IAH1: variants seen among roughly 807,000 people sequenced by gnomAD.
The protein encoded by IAH1 is isoamyl acetate-hydrolyzing esterase 1 homolog.
IAH1 carries 24 observed loss-of-function variants against 26.7 expected under a neutral mutation model. The ratio of observed to expected loss-of-function variants is 0.90; its 90% CI spans 0.65 to 1.26. IAH1 has a LOEUF of 1.26. Among genes scored for constraint, IAH1 ranks in the 50% most tolerant of loss-of-function variants. IAH1 has a pLI of 0.00. For synonymous variants in IAH1, 140 were observed against 118.5 expected, an observed-to-expected ratio of 1.18 and a Z score of -1.18; for missense variants, 300 against 299.9, an observed-to-expected ratio of 1.00 and a Z score of 0.00.
At chr2:9,486,659 C>T (rs1661501162) in intron 5 of IAH1, 2 of 152,152 alleles carry the variant, frequency 1.3e-5, no homozygotes, top group East Asian at 1.9e-4. Flanking sequence ...GAAACCCCAT[C>T]TCTACTTAAA....
Position 9,474,598 on chromosome 2 carries a change from G to A in IAH1, c.32G>A (p.Ser11Asn). 1 of 1,543,076 alleles carries A rather than the reference G, an allele frequency of 6.5e-7. No individual in the cohort carries two copies. The highest frequency in any genetic ancestry group is 8.7e-7 in the Non-Finnish European group (1 of 1,149,272). MALCEAAGCG[S>N]ALLWPRLLLF... is the part of the protein sequence containing the mutation. ...CTGTGCGAGGCCGCGGGCTGCGGGA[G>A]TGCCCTGCTCTGGCCTCGCTTGTTG... Residue 11 changes from serine (S) to asparagine (N), a missense_variant, in exon 1 of 6, where the codon AGT (serine) becomes AAT (asparagine). Physicochemically the swap from Ser to Asn is conservative, Grantham distance 46. Transcript: ENST00000497473. This position sits in a 1 kb window ranked among gnomAD's most constrained non-coding sequence, Gnocchi z 4.3.
Position 9,474,574 on chromosome 2 carries a change from T to C in IAH1, c.8T>C (p.Leu3Pro). MA[L>P]CEAAGCGSAL... ...GCCCCGCCCGGCTGCTCCATGGCGC[T>C]GTGCGAGGCCGCGGGCTGCGGGAGT... Residue 3 changes from leucine to proline, a missense_variant, in exon 1 of 6, where the codon CTG (leucine) becomes CCG (proline). Coordinates refer to ENST00000497473, the MANE Select transcript of IAH1 (RefSeq NM_001039613.3). The surrounding 1 kb of genome is among the most constrained non-coding windows in gnomAD (Gnocchi z 4.3). 3 of 1,462,558 alleles carry C rather than the reference T, an allele frequency of 2.1e-6. No homozygotes were observed. Among genetic ancestry groups the C allele is most frequent in the Admixed American group, 2.1e-5 (1 of 48,104 alleles). The allele number at this position is 1,462,558 out of a possible 1,614,324, so 90.6% of individuals were successfully genotyped here.
At chr2:9,487,835 C>T (rs143485573) in intron 5 of IAH1, among the ~76,000 whole-genome samples, 5,361 of 57,532 alleles carry the variant, frequency 0.093, 130 homozygotes, top group African/African-American at 0.17. Flanking sequence ...TGTGTGTGTG[C>T]GCGCGCGCGC....
the IAH1 span, among the ~76,000 whole-genome samples, chr2:9,509,720 CATT>C: frequency 6.6e-6 from 1 of 152,082 alleles, no homozygotes; most frequent in Admixed American, 6.6e-5. Context: ...CAAAAAAAGC[CATT>C]ATTATTAGTA....
At chr2:9,493,772 A>G, downstream of IAH1, 1 of 1,614,100 alleles carries the variant, frequency 6.2e-7, no homozygotes. Context: ...TCAGCTGGTC[A>G]ATGAAATCCC....
the IAH1 span, among the ~76,000 whole-genome samples, chr2:9,503,837 C>CAAA: frequency 8.0e-6 from 1 of 124,804 alleles, no homozygotes. Context: ...GACTCCGTCT[C>CAAA]AAAAAAAAAA....
At chr2:9,500,331 A>G (rs1034686343), downstream of IAH1, among the ~76,000 whole-genome samples, 2 of 152,226 alleles carry the variant, frequency 1.3e-5, no homozygotes, top group African/African-American at 4.8e-5. Flanking sequence ...GTATAATTCC[A>G]TTTATATGAA....
downstream of IAH1, among the ~76,000 whole-genome samples, chr2:9,496,721 G>C (rs1420870398): frequency 6.6e-6 from 1 of 152,194 alleles, no homozygotes; most frequent in African/African-American, 2.4e-5. Flanking sequence ...TGGAGTTGTT[G>C]CAGGAGTATC....
intron 1 of IAH1, chr2:9,475,062 C>T: frequency 8.4e-7 from 1 of 1,190,720 alleles, no homozygotes; most frequent in Non-Finnish European, 1.1e-6. Context: ...GGCAGAGGCG[C>T]CAGGAGCTCT....
At chr2:9,475,931 C>T (rs1043838098) in intron 1 of IAH1, 56 bp from the exon 2 acceptor site, 87 of 1,508,152 alleles carry the variant, frequency 5.8e-5, no homozygotes, top group Non-Finnish European at 7.1e-5. Context: ...GAACTGCCCT[C>T]GCTGAGATGC....
At chr2:9,502,317 A>G in the IAH1 span, 1 of 1,508,260 alleles carries the variant, frequency 6.6e-7, no homozygotes, top group Non-Finnish European at 9.2e-7. Flanking sequence ...AATTCAAATT[A>G]TGGCCCCATA....
At chr2:9,490,224 T>TAAAGGAGGCAGCCTTTTC (rs745697785), downstream of IAH1, 1 of 1,606,142 alleles carries the variant, frequency 6.2e-7, no homozygotes, top group Non-Finnish European at 8.5e-7. Flanking sequence ...CGCTGCAGTT[T>TAAAGGAGGCAGCCTTTTC]AAAGGAGGCA....
At position 9,488,207 on chromosome 2, in the gene IAH1, T is replaced by C. The variant is rs1176185748; in HGVS notation, c.625T>C (p.Phe209Leu). 9 of 1,613,496 alleles carry C rather than the reference T, an allele frequency of 5.6e-6. No individual in the cohort carries two copies. In the East Asian group the frequency reaches 1.8e-4, roughly 32 times the overall value. Residue 209 changes from phenylalanine (F) to leucine (L), a missense_variant, in exon 6 of 6, where the codon TTC (phenylalanine) becomes CTC (leucine). Coordinates refer to ENST00000497473, the MANE Select transcript of IAH1 (RefSeq NM_001039613.3). ...GTCTCCAAAGGGGAATGAATTTTTG[T>C]TCTCGCATCTCTGGCCTTTGATAGA... ...HLSPKGNEFL[F>L]SHLWPLIEKK...
intron 3 of IAH1, among the ~76,000 whole-genome samples, chr2:9,479,199 C>G (rs1486738070): frequency 6.6e-6 from 1 of 152,076 alleles, no homozygotes; most frequent in African/African-American, 2.4e-5. Flanking sequence ...CACTTTCTAT[C>G]TTGTACCAAA....
chr2:9,510,247 A>G, the IAH1 span: 1 of 1,158,218 alleles, frequency 8.6e-7, no homozygotes, highest in Non-Finnish European at 1.2e-6. Context: ...CAAGAGAATA[A>G]GAACTGCATG....
At chr2:9,507,788 T>C in the IAH1 span, among the ~76,000 whole-genome samples, 1 of 152,140 alleles carries the variant, frequency 6.6e-6, no homozygotes, top group African/African-American at 2.4e-5. Context: ...AGCACAACCT[T>C]GGCTCACTGC....
chr2:9,507,923 G>A, the IAH1 span, among the ~76,000 whole-genome samples: 2 of 152,044 alleles, frequency 1.3e-5, no homozygotes, highest in African/African-American at 4.8e-5. Context: ...TGTTGTCCAG[G>A]CTGATCCTGA....
At chr2:9,505,052 A>C in the IAH1 span, 1 of 1,191,176 alleles carries the variant, frequency 8.4e-7, no homozygotes, top group Non-Finnish European at 1.2e-6. Context: ...GATGTAAACA[A>C]ACACACTCAC....
the IAH1 span, among the ~76,000 whole-genome samples, chr2:9,510,535 G>A: frequency 6.6e-6 from 1 of 152,014 alleles, no homozygotes; most frequent in Non-Finnish European, 1.5e-5. Flanking sequence ...ATGGAGGCAC[G>A]CGCCTGTAAT....
Sources: allele counts gnomAD v4.1 joint callset (sites outside exome capture counted in the v4.1 genomes callset), GRCh38; gene constraint gnomAD v4.1.1; non-coding constraint Gnocchi (gnomAD v3.1); transcripts MANE v1.5; gene names NCBI Gene and HGNC (gene_info 2026-07-23, HGNC 2026-07-21).